TMEM233: variants seen among roughly 807,000 people sequenced by gnomAD.
The protein encoded by TMEM233 is transmembrane protein 233.
TMEM233 carries 6 observed loss-of-function variants against 11.2 expected under a neutral mutation model. That is an observed-to-expected ratio of 0.54 (90% CI 0.29 to 1.06). The LOEUF (loss-of-function observed/expected upper bound fraction) is 1.06, where lower values mean the gene tolerates loss of function less well. Among genes scored for constraint, TMEM233 ranks in the 50% least tolerant of loss-of-function variants. TMEM233 has a pLI of 0.08. For synonymous variants in TMEM233, 59 were observed against 55.8 expected, an observed-to-expected ratio of 1.06 and a Z score of -0.26; for missense variants, 127 against 144.7, an observed-to-expected ratio of 0.88 and a Z score of 0.63.
At chr12:119,653,612 T>TA in the TMEM233 span, among the ~76,000 whole-genome samples, 18 of 151,074 alleles carry the variant, frequency 1.2e-4, no homozygotes, top group South Asian at 8.4e-4. Context: ...CTATGCAATG[T>TA]AAAAAAAAAT....
intron 1 of TMEM233, among the ~76,000 whole-genome samples, chr12:119,623,976 C>T (rs1443920454): frequency 3.3e-5 from 5 of 152,060 alleles, no homozygotes; most frequent in African/African-American, 7.2e-5. Flanking sequence ...ATAAATTTAA[C>T]GACGGTGGGC....
At chr12:119,633,536 G>A (rs1267857015) in intron 2 of TMEM233, among the ~76,000 whole-genome samples, 2 of 152,208 alleles carry the variant, frequency 1.3e-5, no homozygotes, top group Non-Finnish European at 2.9e-5. Context: ...GCAGTGAGCT[G>A]TGGTCATGCC....
chr12:119,593,862 C>A lies in TMEM233; in HGVS notation c.14C>A (p.Ala5Asp), dbSNP rs1456213913. The change falls in exon 1 of 3, where the codon GCC becomes GAC. Residue 5 changes from alanine to aspartate, a missense_variant. Physicochemically the swap from Ala to Asp is moderately radical, Grantham distance 126 (BLOSUM62 -2). Transcript: ENST00000426426. This position sits in a 1 kb window ranked among gnomAD's most constrained non-coding sequence, Gnocchi z 4.1. MSQY[A>D]PSPDFKRALD... ...CCGGCCTCGCCCATGTCTCAGTACG[C>A]CCCTAGCCCGGACTTCAAGAGGGCT... The A allele has an allele frequency of 5.2e-6, 8 of 1,551,530 alleles. No individual in the cohort carries two copies. The African/African-American group carries it at 5.5e-5, about 11-fold the overall frequency.
rs80075710 is a variant in TMEM233, at chr12:119,636,681, G to A, written c.324-4018G>A. 6.8e-3 allele frequency among the ~76,000 whole-genome samples: 1,029 copies of A among 152,200 alleles called. 9 individuals carry two copies. The highest frequency in any genetic ancestry group is 0.024 in the African/African-American group (997 of 41,512). On this transcript the variant is annotated intron_variant, in intron 2 of 2. Coordinates refer to ENST00000426426, the MANE Select transcript of TMEM233 (RefSeq NM_001136534.3). Reference sequence around the variant, plus strand: ...TATCTGATGCTCTGTGGAATTCAGCGGAACGTCCTTAGCAGCAGAAAGAGT... The same window carrying A: ...TATCTGATGCTCTGTGGAATTCAGCAGAACGTCCTTAGCAGCAGAAAGAGT...
chr12:119,649,854 TAAA>T, the TMEM233 span, among the ~76,000 whole-genome samples: 46 of 91,316 alleles, frequency 5.0e-4, no homozygotes, highest in Admixed American at 1.7e-3. Context: ...GTTTAACTAT[TAAA>T]AAAAAAAAAA....
chr12:119,597,928 T>G (rs535253863), intron 1 of TMEM233, among the ~76,000 whole-genome samples: 1 of 152,206 alleles, frequency 6.6e-6, no homozygotes, highest in Non-Finnish European at 1.5e-5. Flanking sequence ...ATGGCACATT[T>G]TCTCCATGCA....
chr12:119,606,342 G>C (rs936150081), intron 1 of TMEM233, among the ~76,000 whole-genome samples: 1 of 151,306 alleles, frequency 6.6e-6, no homozygotes, highest in Non-Finnish European at 1.5e-5. Flanking sequence ...GACAGAGAAG[G>C]GAGAAAACTC....
downstream of TMEM233, among the ~76,000 whole-genome samples, chr12:119,645,568 C>A (rs1472887721): frequency 6.6e-6 from 1 of 152,162 alleles, no homozygotes; most frequent in African/African-American, 2.4e-5. Context: ...CTTTCCAATA[C>A]ATTCATTCAT....
chr12:119,604,810 A>AT (rs1172862645), intron 1 of TMEM233, among the ~76,000 whole-genome samples: 2 of 151,822 alleles, frequency 1.3e-5, no homozygotes, highest in Non-Finnish European at 2.9e-5. Flanking sequence ...TTTTTTAATT[A>AT]TTTTTTAGAA....
At chr12:119,610,382 G>T (rs147881816) in intron 1 of TMEM233, among the ~76,000 whole-genome samples, 2 of 152,284 alleles carry the variant, frequency 1.3e-5, no homozygotes, top group African/African-American at 4.8e-5. Context: ...TTAAGACTTT[G>T]GGTGACTGTT....
In TMEM233 at chr12:119,628,495, T is replaced by C. The variant is rs1452266224; in HGVS notation, c.187-1241T>C. Reference sequence around the variant, plus strand: ...TTTCTTCTACCACCAGCTCACTCTTTTTTTTTTTTTTTTTTTTTTTTTGAG... The same window carrying C: ...TTTCTTCTACCACCAGCTCACTCTTCTTTTTTTTTTTTTTTTTTTTTTGAG... On this transcript the variant is annotated intron_variant, in intron 1 of 2. Coordinates refer to ENST00000426426, the MANE Select transcript of TMEM233 (RefSeq NM_001136534.3). Among the ~76,000 whole-genome samples the C allele has an allele frequency of 5.1e-4, 5 of 9,744 alleles. No homozygotes were observed. The South Asian group carries it at 0.015, about 28-fold the overall frequency. The allele number at this position is 9,744 out of a possible 152,430, so 6.4% of individuals were successfully genotyped here. A position where few individuals can be genotyped will look rare whatever the true frequency, so the allele number is the denominator to read the frequency against.
rs1221911037 is a variant in TMEM233, at chr12:119,640,680, C to G, written c.324-19C>G. ...CAGCCCACGGTCTTTCTCTCTCTCT[C>G]TCTGTCTGTACCACACAGTGCCTGA... is the stretch of plus-strand genomic sequence containing the variant. On this transcript the variant is annotated intron_variant, in intron 2 of 2. Transcript: ENST00000426426. 2 of 1,549,922 alleles carry G rather than the reference C, an allele frequency of 1.3e-6. No homozygotes were observed. Among genetic ancestry groups the G allele is most frequent in the Non-Finnish European group, 1.7e-6 (2 of 1,146,908 alleles).
chr12:119,628,656 C>T (rs748794799), intron 1 of TMEM233, among the ~76,000 whole-genome samples: 7 of 152,018 alleles, frequency 4.6e-5, no homozygotes, highest in African/African-American at 9.7e-5. Context: ...CCCGCCACCA[C>T]GCCCGGCTAA....
chr12:119,614,993 CTCTT>C (rs370658272), intron 1 of TMEM233, among the ~76,000 whole-genome samples: 17 of 151,828 alleles, frequency 1.1e-4, no homozygotes, highest in Non-Finnish European at 1.9e-4. Flanking sequence ...CCTCTCCTCT[CTCTT>C]TCACTCCTAC....
intron 1 of TMEM233, among the ~76,000 whole-genome samples, chr12:119,612,835 A>C (rs10849680): frequency 0.33 from 50,161 of 151,410 alleles, 8,790 homozygotes; most frequent in Middle Eastern, 0.39. Flanking sequence ...TGGGAGGATC[A>C]CTAGAGTACA....
At chr12:119,601,429 G>A (rs990053861) in intron 1 of TMEM233, among the ~76,000 whole-genome samples, 8 of 152,100 alleles carry the variant, frequency 5.3e-5, no homozygotes, top group Admixed American at 3.9e-4. Context: ...GGCCGAGGCG[G>A]GCGGATCACG....
At chr12:119,638,872 A>AT (rs892822357) in intron 2 of TMEM233, among the ~76,000 whole-genome samples, 57 of 151,044 alleles carry the variant, frequency 3.8e-4, no homozygotes, top group Middle Eastern at 3.4e-3. Flanking sequence ...TCCCGTCTCT[A>AT]TTTTTTTTTA....
the TMEM233 span, among the ~76,000 whole-genome samples, chr12:119,650,734 C>A: frequency 1.3e-5 from 2 of 152,232 alleles, no homozygotes; most frequent in African/African-American, 4.8e-5. Context: ...CCTTCACCCC[C>A]CAGATTCAAG....
chr12:119,615,424 T>C (rs933064144), intron 1 of TMEM233, among the ~76,000 whole-genome samples: 9 of 152,160 alleles, frequency 5.9e-5, no homozygotes, highest in African/African-American at 2.2e-4. Context: ...CTAGCTGCAC[T>C]CAGGATAACC....
Sources: allele counts gnomAD v4.1 joint callset (sites outside exome capture counted in the v4.1 genomes callset), GRCh38; gene constraint gnomAD v4.1.1; non-coding constraint Gnocchi (gnomAD v3.1); transcripts MANE v1.5; gene names NCBI Gene and HGNC (gene_info 2026-07-23, HGNC 2026-07-21).